TMEM87A: variants seen among roughly 807,000 people sequenced by gnomAD.
TMEM87A encodes transmembrane protein 87A, also known as Golgi-pH regulating cation channel.
TMEM87A carries 50 observed loss-of-function variants against 90.0 expected under a neutral mutation model. The observed-to-expected ratio is 0.56, with a 90% CI of 0.44 to 0.70. The LOEUF is 0.70. Ranked by LOEUF, TMEM87A falls within the 30% of genes least tolerant of loss-of-function variation. TMEM87A has a pLI of 0.00. For missense variants in TMEM87A, 577 were observed against 660.5 expected (o/e 0.87, Z 1.39); for synonymous variants, 226 against 226.7 (o/e 1.00, Z 0.03).
At chr15:42,241,007 GT>G (rs920998631) in intron 7 of TMEM87A, among the ~76,000 whole-genome samples, 1 of 152,168 alleles carries the variant, frequency 6.6e-6, no homozygotes, top group African/African-American at 2.4e-5. Flanking sequence ...TGTTAATAAA[GT>G]TTTATTGGAA....
chr15:42,236,045 CGGAAGTATGGAATACATTTGGATTT>C (rs1272704006), intron 10 of TMEM87A, among the ~76,000 whole-genome samples: 14 of 152,030 alleles, frequency 9.2e-5, no homozygotes, highest in African/African-American at 1.9e-4. Flanking sequence ...GAAATATATT[CGGAAGTATGGAATACATTTGGATTT>C]GGAAGTATGG....
At chr15:42,258,695 G>A in intron 6 of TMEM87A, 2 of 1,201,064 alleles carry the variant, frequency 1.7e-6, no homozygotes, top group Admixed American at 4.1e-5. Flanking sequence ...CCAAAGTGTT[G>A]GCATTACAGG....
At position 42,273,187 on chromosome 15, in the gene TMEM87A, C is replaced by T. The variant is rs2051588249; in HGVS notation, c.144+68G>A. The T allele has an allele frequency of 1.9e-6, 3 of 1,593,044 alleles. No individual in the cohort carries two copies. The African/African-American group carries it at 4.0e-5, about 21-fold the overall frequency. On this transcript the variant is annotated intron_variant, in intron 1 of 19. Transcript: ENST00000389834. ...GAGACTTTTGCGGAACCTTCATGGA[C>T]CCCTTGGGCCGCCGTAGCCCCACCC...
Position 42,228,467 on chromosome 15 carries a change from T to C in TMEM87A, c.1240+245A>G, listed in dbSNP as rs573391015. ...AGAAAAAGAATGCCTCAAGAAAGAA[T>C]GCAAATAGAAGAGGGATAAATGAAG... On this transcript the variant is annotated intron_variant, in intron 13 of 19. Transcript: ENST00000389834. Among the ~76,000 whole-genome samples the C allele has an allele frequency of 2.6e-5, 4 of 152,262 alleles. No individual in the cohort carries two copies. In the East Asian group the frequency reaches 7.7e-4, roughly 29 times the overall value.
At chr15:42,236,467 C>T (rs938711291) in intron 9 of TMEM87A, 48 bp from the exon 10 acceptor site, 1 of 1,531,960 alleles carries the variant, frequency 6.5e-7, no homozygotes, top group East Asian at 2.3e-5. Flanking sequence ...GGTTTGGCAA[C>T]AGGCCAGATG....
In TMEM87A at chr15:42,264,198, T is replaced by C; in HGVS notation, c.297A>G (p.Glu99=). The change falls in exon 4 of 20, where the codon GAA becomes GAG. Residue 99 remains glutamate (E), a synonymous_variant. Coordinates refer to ENST00000389834, the MANE Select transcript of TMEM87A (RefSeq NM_015497.5). ...GTTTTTCCAAATACAACTCTACTTC[T>C]TCTGCCTGGAAAAAGAGATAATACA... ...CYNEIYNFKA[E]EVELYLEKLK... 6.2e-7 allele frequency: 1 copy of C among 1,610,352 alleles called. No individual in the cohort carries two copies. Among genetic ancestry groups the C allele is most frequent in the South Asian group, 1.1e-5 (1 of 90,806 alleles).
Position 42,237,585 on chromosome 15 carries a change from G to A in TMEM87A, c.715C>T (p.Leu239=), listed in dbSNP as rs760046960. 3.7e-6 allele frequency: 6 copies of A among 1,613,394 alleles called. No individual in the cohort carries two copies. The Admixed American group carries it at 8.3e-5, about 22-fold the overall frequency. ...FFMVMCIVYV[L]FGVLWLAWSA... ...CATGCCAGCCACAGAACACCAAACA[G>A]GACATATACAATACACATCACCATG... Residue 239 remains leucine, a synonymous_variant, in exon 9 of 20, where the codon CTG becomes TTG. Transcript: ENST00000389834.
intron 14 of TMEM87A, 96 bp downstream of exon 14, chr15:42,227,615 A>G (rs542797840): frequency 1.6e-5 from 17 of 1,085,422 alleles, no homozygotes; most frequent in African/African-American, 1.3e-4. Flanking sequence ...CTAATTTTTT[A>G]TAAGGTATAT....
chr15:42,270,774 TG>T (rs1407279522), intron 2 of TMEM87A, among the ~76,000 whole-genome samples: 1 of 152,238 alleles, frequency 6.6e-6, no homozygotes, highest in Non-Finnish European at 1.5e-5. Flanking sequence ...AGAGTAGATT[TG>T]ATCTAAATCA....
At chr15:42,250,367 G>A (rs1202153881) in intron 6 of TMEM87A, among the ~76,000 whole-genome samples, 1 of 152,152 alleles carries the variant, frequency 6.6e-6, no homozygotes, top group African/African-American at 2.4e-5. Context: ...AGCATCGATG[G>A]TCTTTACAAT....
intron 19 of TMEM87A, among the ~76,000 whole-genome samples, chr15:42,216,468 C>G (rs1423006157): frequency 1.3e-5 from 2 of 152,200 alleles, no homozygotes; most frequent in African/African-American, 2.4e-5. Flanking sequence ...TGGCTGAACT[C>G]AGTGCCACCA....
At chr15:42,229,879 G>A (rs1173533892) in intron 12 of TMEM87A, among the ~76,000 whole-genome samples, 1 of 152,220 alleles carries the variant, frequency 6.6e-6, no homozygotes, top group East Asian at 1.9e-4. Flanking sequence ...AGGCTGGAGT[G>A]CAGCGGTGCG....
In TMEM87A at chr15:42,248,722, G is replaced by A. The variant is rs866488988; in HGVS notation, c.505-4555C>T. Among the ~76,000 whole-genome samples the A allele has an allele frequency of 8.5e-5, 13 of 152,198 alleles. No individual in the cohort carries two copies. In the Middle Eastern group the frequency reaches 0.014, roughly 159 times the overall value. On this transcript the variant is annotated intron_variant, in intron 6 of 19. Transcript: ENST00000389834. Reference sequence around the variant, plus strand: ...GAGGATTTTCGCATCGATGTTCATCGGGGATAGTGGTCTAAAATTCTCTTT... The same window carrying A: ...GAGGATTTTCGCATCGATGTTCATCAGGGATAGTGGTCTAAAATTCTCTTT...
rs2050415876 is a variant in TMEM87A at position 42,218,346 on chromosome 15, A to G, written c.1572T>C (p.Asn524=). The G allele has an allele frequency of 1.2e-6, 2 of 1,613,832 alleles. No homozygotes were observed. Among genetic ancestry groups the G allele is most frequent in the Non-Finnish European group, 1.7e-6 (2 of 1,179,842 alleles). The change falls in exon 18 of 20, where the codon AAT becomes AAC. Residue 524 remains asparagine (N), a synonymous_variant. Transcript: ENST00000389834. ...QEDDLKWVEE[N]VPSSVTDVAL... ...ACACATCTGTCACAGAAGAAGGAAC[A>G]TTCTCTTCTACCCACTTCAAATCAT...
Position 42,228,780 on chromosome 15 carries a change from A to G in TMEM87A, c.1172T>C (p.Leu391Pro). 1.2e-6 allele frequency: 2 copies of G among 1,606,414 alleles called. No individual in the cohort carries two copies. The highest frequency in any genetic ancestry group is 1.7e-6 in the Non-Finnish European group (2 of 1,177,748). Residue 391 changes from leucine (L) to proline (P), a missense_variant, in exon 13 of 20, where the codon CTT (leucine) becomes CCT (proline). Transcript: ENST00000389834. ...SLTQTMKLLK[L>P]RRNIVKLSLY... ...AGAGAGTTTTACAATGTTCCTCCGAAGTTTTAATAGCTTCATTGTTTGAGT... is the reference window on the plus strand; with the variant it reads ...AGAGAGTTTTACAATGTTCCTCCGAGGTTTTAATAGCTTCATTGTTTGAGT...
chr15:42,245,018 G>A (rs1276369340), intron 6 of TMEM87A, among the ~76,000 whole-genome samples: 2 of 151,690 alleles, frequency 1.3e-5, no homozygotes, highest in East Asian at 3.9e-4. Context: ...CTCCTCAAAT[G>A]GTTAAAATAT....
At position 42,253,499 on chromosome 15, in the gene TMEM87A, G is replaced by A. The variant is rs139244375; in HGVS notation, c.504+7459C>T. Among the ~76,000 whole-genome samples, 4 of 152,222 alleles carry A rather than the reference G, an allele frequency of 2.6e-5. 1 individual carries two copies. In the East Asian group the frequency reaches 7.7e-4, roughly 29 times the overall value. On this transcript the variant is annotated intron_variant, in intron 6 of 19. Transcript: ENST00000389834. ...TCCAGCCCTGGGAACACTCTAAGTTGGGGAAAACAAAGTTAAGTCCTGGCA... is the reference window on the plus strand; with the variant it reads ...TCCAGCCCTGGGAACACTCTAAGTTAGGGAAAACAAAGTTAAGTCCTGGCA...
At chr15:42,221,414 T>C (rs2050483462) in intron 15 of TMEM87A, among the ~76,000 whole-genome samples, 1 of 152,122 alleles carries the variant, frequency 6.6e-6, no homozygotes, top group Non-Finnish European at 1.5e-5. Flanking sequence ...CAAATTTAAA[T>C]CAGAAGTTAC....
intron 11 of TMEM87A, among the ~76,000 whole-genome samples, chr15:42,232,513 G>A (rs1032291060): frequency 2.0e-5 from 3 of 151,572 alleles, no homozygotes; most frequent in African/African-American, 4.9e-5. Flanking sequence ...TTGCTCTGTC[G>A]CCCAGGCTGG....
Sources: gnomAD v4.1 joint callset for allele counts (sites outside exome capture counted in the v4.1 genomes callset) on GRCh38, gnomAD v4.1.1 for gene constraint, MANE v1.5 for transcripts, NCBI Gene and HGNC (gene_info 2026-07-23, HGNC 2026-07-21) for gene names.